NAALADL2: variants seen among roughly 807,000 people sequenced by gnomAD.
NAALADL2 encodes inactive N-acetylated-alpha-linked acidic dipeptidase-like protein 2.
Under a neutral mutation model 87.2 loss-of-function variants are expected in NAALADL2, and 76 were observed. The ratio of observed to expected loss-of-function variants is 0.87; its 90% CI spans 0.72 to 1.05. The LOEUF (loss-of-function observed/expected upper bound fraction) is 1.05. Among genes scored for constraint, NAALADL2 ranks in the 50% least tolerant of loss-of-function variants. NAALADL2 has a pLI of 0.00. For missense variants in NAALADL2, 1,089 were observed against 945.8 expected, an observed-to-expected ratio of 1.15 and a Z score of -1.99; for synonymous variants, 354 against 331.0, an observed-to-expected ratio of 1.07 and a Z score of -0.75.
chr3:175,728,374 A>T (rs1743219769), intron 11 of NAALADL2, among the ~76,000 whole-genome samples: 1 of 152,192 alleles, frequency 6.6e-6, no homozygotes, highest in South Asian at 2.1e-4. Context: ...CTAATTGTGC[A>T]TTACACCATT....
chr3:174,870,869 T>C (rs1727745238), intron 1 of NAALADL2, among the ~76,000 whole-genome samples: 1 of 152,198 alleles, frequency 6.6e-6, no homozygotes, highest in Admixed American at 6.5e-5. Flanking sequence ...TGCTTTTCTA[T>C]AGACACTGTA....
chr3:174,524,891 C>T (rs1035097476), intron 1 of NAALADL2, among the ~76,000 whole-genome samples: 3 of 152,012 alleles, frequency 2.0e-5, no homozygotes, highest in African/African-American at 7.3e-5. Context: ...AAAGTTATAG[C>T]CATCCTAACA....
chr3:175,368,486 G>A (rs1032759438), intron 5 of NAALADL2, among the ~76,000 whole-genome samples: 6 of 151,888 alleles, frequency 4.0e-5, no homozygotes, highest in East Asian at 1.9e-4. Flanking sequence ...CATCTGGTCC[G>A]AAAATAGTTA....
intron 11 of NAALADL2, among the ~76,000 whole-genome samples, chr3:175,627,855 C>T (rs1410912640): frequency 6.6e-6 from 1 of 151,482 alleles, no homozygotes; most frequent in Non-Finnish European, 1.5e-5. Context: ...TCAAATATAC[C>T]TCTTCACTTT....
At chr3:175,733,332 G>A (rs1443448725) in intron 11 of NAALADL2, among the ~76,000 whole-genome samples, 1 of 152,180 alleles carries the variant, frequency 6.6e-6, no homozygotes, top group African/African-American at 2.4e-5. Flanking sequence ...AAGGCAAGGT[G>A]GAGCAAGTTA....
chr3:175,244,700 T>G (rs1205896336), intron 3 of NAALADL2, among the ~76,000 whole-genome samples: 9 of 152,220 alleles, frequency 5.9e-5, no homozygotes, highest in Non-Finnish European at 1.5e-5. Context: ...TCAAGGACTA[T>G]GTACTTACTG....
At chr3:175,765,863 C>A (rs1454208411) in intron 13 of NAALADL2, among the ~76,000 whole-genome samples, 1 of 151,858 alleles carries the variant, frequency 6.6e-6, no homozygotes, top group East Asian at 1.9e-4. Flanking sequence ...CTTATTATTC[C>A]CTTTATACAT....
intron 2 of NAALADL2, among the ~76,000 whole-genome samples, chr3:175,176,482 T>C (rs1207413468): frequency 5.9e-5 from 9 of 152,140 alleles, no homozygotes; most frequent in Admixed American, 5.9e-4. Flanking sequence ...TGGTTCCCAA[T>C]TGATGGCCAC....
At chr3:175,077,426 C>T (rs1055049034) in intron 1 of NAALADL2, among the ~76,000 whole-genome samples, 17 of 152,000 alleles carry the variant, frequency 1.1e-4, no homozygotes, top group African/African-American at 3.4e-4. Context: ...GTATTTTTTC[C>T]GTGTATGCTA....
In NAALADL2 at chr3:175,197,010, A is replaced by T. The variant is rs565638527; in HGVS notation, c.546-36921A>T. 7.2e-5 allele frequency among the ~76,000 whole-genome samples: 11 copies of T among 152,074 alleles called. No individual in the cohort carries two copies. The East Asian group carries it at 1.9e-3, about 27-fold the overall frequency. On this transcript the variant is annotated intron_variant, in intron 2 of 13. Coordinates refer to ENST00000454872, the MANE Select transcript of NAALADL2 (RefSeq NM_207015.3). ...AAAATAAGAAAAAAATAGGTGAGAAACATAAGGGGTCATTTTTTTACTGCA... is the reference window on the plus strand; with the variant it reads ...AAAATAAGAAAAAAATAGGTGAGAATCATAAGGGGTCATTTTTTTACTGCA...
chr3:174,884,419 A>G (rs1729807556), intron 1 of NAALADL2, among the ~76,000 whole-genome samples: 1 of 152,138 alleles, frequency 6.6e-6, no homozygotes, highest in Non-Finnish European at 1.5e-5. Flanking sequence ...CTGCTTCAGG[A>G]TGATGGGGAA....
chr3:174,757,649 G>A (rs947855156), intron 3 of NAALADL2, among the ~76,000 whole-genome samples: 3 of 151,838 alleles, frequency 2.0e-5, no homozygotes, highest in South Asian at 2.1e-4. Flanking sequence ...GCACCACCAC[G>A]CCCAGCTAAT....
At chr3:175,200,997 C>T (rs1354554007) in intron 2 of NAALADL2, among the ~76,000 whole-genome samples, 1 of 152,182 alleles carries the variant, frequency 6.6e-6, no homozygotes, top group African/African-American at 2.4e-5. Context: ...GATAGCACCT[C>T]TTCCATGGAA....
chr3:174,893,536 CAA>C (rs539975779), intron 1 of NAALADL2, among the ~76,000 whole-genome samples: 1 of 151,974 alleles, frequency 6.6e-6, no homozygotes, highest in Non-Finnish European at 1.5e-5. Flanking sequence ...ATAGAAGAAA[CAA>C]AAAGTTAAAA....
chr3:175,418,418 G>A (rs1257444254), intron 5 of NAALADL2, among the ~76,000 whole-genome samples: 2 of 152,126 alleles, frequency 1.3e-5, no homozygotes, highest in African/African-American at 2.4e-5. Flanking sequence ...AGCTTCCTAT[G>A]AGTAATCTGT....
chr3:175,178,461 T>C (rs950711678), intron 2 of NAALADL2, among the ~76,000 whole-genome samples: 1 of 152,036 alleles, frequency 6.6e-6, no homozygotes, highest in African/African-American at 2.4e-5. Context: ...GTTGATTTAG[T>C]GGTCAAGGGT....
intron 10 of NAALADL2, among the ~76,000 whole-genome samples, chr3:175,603,109 TG>T (rs1343387628): frequency 6.6e-6 from 1 of 152,190 alleles, no homozygotes; most frequent in Non-Finnish European, 1.5e-5. Flanking sequence ...ATTAACACAA[TG>T]TCTTTCATCT....
At chr3:175,405,965 C>T (rs1180856567) in intron 5 of NAALADL2, among the ~76,000 whole-genome samples, 2 of 152,126 alleles carry the variant, frequency 1.3e-5, no homozygotes, top group African/African-American at 4.8e-5. Flanking sequence ...CGGCTAAGGT[C>T]CAGGCAGTGC....
chr3:175,251,309 G>T, intron 3 of NAALADL2, among the ~76,000 whole-genome samples: 1 of 152,150 alleles, frequency 6.6e-6, no homozygotes, highest in East Asian at 1.9e-4. Context: ...TTATAAAAAT[G>T]AATGTATAGA....
Sources: allele counts gnomAD v4.1 joint callset (sites outside exome capture counted in the v4.1 genomes callset), GRCh38; gene constraint gnomAD v4.1.1; transcripts MANE v1.5; gene names NCBI Gene and HGNC (gene_info 2026-07-23, HGNC 2026-07-21).